The following INTS2 variants were observed in gnomAD, a reference collection of about 807,000 sequenced individuals.
INTS2 encodes the protein integrator complex subunit 2.
INTS2 carries 57 observed loss-of-function variants against 139.6 expected under a neutral mutation model. That is an observed-to-expected ratio of 0.41 (90% CI 0.33 to 0.51). The LOEUF (loss-of-function observed/expected upper bound fraction) is 0.51. Among genes scored for constraint, INTS2 ranks in the 20% least tolerant of loss-of-function variants. The probability of loss-of-function intolerance (pLI) is 0.28; values close to 1 mark genes in which losing one functional copy is unlikely to be tolerated. For synonymous variants in INTS2, 473 were observed against 493.4 expected (o/e 0.96, Z 0.55); for missense variants, 1,196 against 1,436.7 (o/e 0.83, Z 2.71).
intron 17 of INTS2, among the ~76,000 whole-genome samples, chr17:61,879,071 CTTTTTTTTTTTTTT>C (rs943506280): frequency 5.8e-5 from 2 of 34,416 alleles, no homozygotes; most frequent in Non-Finnish European, 9.7e-5. Flanking sequence ...CCAGGCTGGT[CTTTTTTTTTTTTTT>C]TTTTTTTTTT....
intron 15 of INTS2, among the ~76,000 whole-genome samples, chr17:61,887,411 A>G (rs950525421): frequency 7.0e-6 from 1 of 142,970 alleles, no homozygotes; most frequent in Non-Finnish European, 1.5e-5. Context: ...GGAACCCGGG[A>G]GGTGGAGGTT....
At chr17:61,923,069 T>C (rs988559251) in intron 3 of INTS2, among the ~76,000 whole-genome samples, 1 of 151,786 alleles carries the variant, frequency 6.6e-6, no homozygotes, top group Non-Finnish European at 1.5e-5. Context: ...AGAGCGAAAC[T>C]CTGTCTCAAA....
chr17:61,895,456 A>G, intron 11 of INTS2, 73 bp from the exon 12 acceptor site: 2 of 858,588 alleles, frequency 2.3e-6, no homozygotes, highest in African/African-American at 1.8e-5. Flanking sequence ...GAACTTATCT[A>G]AAATGGCTAT....
chr17:61,914,952 C>T (rs1367373381), intron 5 of INTS2, among the ~76,000 whole-genome samples: 1 of 151,764 alleles, frequency 6.6e-6, no homozygotes, highest in Admixed American at 6.6e-5. Flanking sequence ...GTCTGTAATC[C>T]CAGCACTTTG....
intron 5 of INTS2, among the ~76,000 whole-genome samples, chr17:61,919,120 T>C (rs1309795161): frequency 6.6e-6 from 1 of 152,060 alleles, no homozygotes; most frequent in Non-Finnish European, 1.5e-5. Flanking sequence ...AGATGGGGTT[T>C]CACCATAGTG....
At chr17:61,923,401 C>CAGGAGGCGGAGCTTGCA (rs1555626914) in intron 3 of INTS2, among the ~76,000 whole-genome samples, 2 of 137,960 alleles carry the variant, frequency 1.4e-5, no homozygotes, top group African/African-American at 5.4e-5. Flanking sequence ...GGTGTGAACC[C>CAGGAGGCGGAGCTTGCA]GGGAGGCGGA....
chr17:61,878,878 T>C (rs1413940110), intron 17 of INTS2, among the ~76,000 whole-genome samples: 1 of 134,858 alleles, frequency 7.4e-6, no homozygotes, highest in East Asian at 2.1e-4. Flanking sequence ...TGCAGTGAGC[T>C]GTGTTCCTGC....
At chr17:61,886,341 C>A (rs997386702) in intron 15 of INTS2, among the ~76,000 whole-genome samples, 4 of 152,214 alleles carry the variant, frequency 2.6e-5, no homozygotes, top group African/African-American at 9.6e-5. Context: ...CATATCTGGC[C>A]TCTTTTTAAA....
At chr17:61,888,464 T>C (rs2145923044) in intron 15 of INTS2, among the ~76,000 whole-genome samples, 1 of 152,294 alleles carries the variant, frequency 6.6e-6, no homozygotes, top group East Asian at 1.9e-4. Context: ...CACTTTATAA[T>C]GATATCATGC....
In INTS2 at chr17:61,893,782, G is replaced by T; in HGVS notation, c.1681C>A (p.His561Asn). 1 of 1,587,744 alleles carries T rather than the reference G, an allele frequency of 6.3e-7. No homozygotes were observed. The highest frequency in any genetic ancestry group is 8.6e-7 in the Non-Finnish European group (1 of 1,165,544). Residue 561 changes from histidine to asparagine, a missense_variant, in exon 13 of 25, where the codon CAC (histidine) becomes AAC (asparagine). By Grantham distance (68) the His-to-Asn change is moderately conservative (BLOSUM62 1). Transcript: ENST00000251334. The surrounding 1 kb of genome is among the most constrained non-coding windows in gnomAD (Gnocchi z 5.4). Reference protein sequence around the residue: ...QLLRSRSFTKHKVSIKDWIYR... With the variant: ...QLLRSRSFTKNKVSIKDWIYR... ...GGGCATACTTTTATTGACACTTTGT[G>T]CTTGGTAAAGGAACGGCTCCTGAGA...
At chr17:61,922,454 T>C (rs1393922631) in intron 3 of INTS2, among the ~76,000 whole-genome samples, 10 of 104,510 alleles carry the variant, frequency 9.6e-5, no homozygotes, top group Non-Finnish European at 1.8e-4. Context: ...GGAGACAGAA[T>C]GAGACTCCGT....
chr17:61,911,149 A>C (rs931403284), intron 7 of INTS2: 8 of 262,830 alleles, frequency 3.0e-5, no homozygotes, highest in Non-Finnish European at 5.0e-5. Context: ...GTCGCTATTC[A>C]CAGGCACAAT....
intron 3 of INTS2, 78 bp from the exon 4 acceptor site, chr17:61,921,905 A>G (rs2079645623): frequency 5.3e-6 from 4 of 755,102 alleles, no homozygotes; most frequent in Middle Eastern, 3.3e-4. Context: ...TTATTTCTTG[A>G]GCTCACAGAT....
chr17:61,890,624 A>AT (rs1463218216), intron 14 of INTS2, among the ~76,000 whole-genome samples: 1 of 151,280 alleles, frequency 6.6e-6, no homozygotes, highest in Non-Finnish European at 1.5e-5. Flanking sequence ...AAAAAAAAAA[A>AT]AATCCCCCTA....
chr17:61,870,182 C>A lies in INTS2; in HGVS notation c.2779-194G>T, dbSNP rs2079077830. Among the ~76,000 whole-genome samples the A allele has an allele frequency of 6.6e-6, 1 of 152,078 alleles. No homozygotes were observed. The highest frequency in any genetic ancestry group is 6.6e-5 in the Admixed American group (1 of 15,262). ...TCTCACCTTTTTAGGATTATGAACC[C>A]CTTAAGAATCTAAAGAAAACTATGT... is the stretch of plus-strand genomic sequence containing the variant. On this transcript the variant is annotated intron_variant, in intron 20 of 24. Transcript: ENST00000251334. The surrounding 1 kb of genome is among the most constrained non-coding windows in gnomAD (Gnocchi z 4.4).
rs189376523 is a variant in INTS2 at position 61,919,155 on chromosome 17, C to A, written c.649+245G>T. Among the ~76,000 whole-genome samples, 13 of 152,036 alleles carry A rather than the reference C, an allele frequency of 8.6e-5. No homozygotes were observed. In the East Asian group the frequency reaches 2.5e-3, roughly 29 times the overall value. ...GGCCAGGCTGGTCTCAAACTTCTGA[C>A]CTTGTGATCTGCCCGCCTCGGCCTC... On this transcript the variant is annotated intron_variant, in intron 5 of 24. Transcript: ENST00000251334.
At chr17:61,911,752 C>T (rs911041047) in intron 6 of INTS2, 59 bp from the exon 7 acceptor site, 6 of 1,528,662 alleles carry the variant, frequency 3.9e-6, no homozygotes, top group Non-Finnish European at 4.4e-6. Context: ...GCCAGTGATG[C>T]TTCCAAATCT....
intron 3 of INTS2, among the ~76,000 whole-genome samples, chr17:61,922,471 A>G: frequency 7.0e-6 from 1 of 143,622 alleles, no homozygotes; most frequent in South Asian, 2.1e-4. Flanking sequence ...CCGTCTCAAA[A>G]AAAAAAAAAA....
rs993759837 is a variant in INTS2, at chr17:61,897,347, T to C, written c.1494+122A>G. ...TCAAAATGCATTTTTCTAAGCGCTCTTGATAAAACTTCTATTAAACAATTA... is the reference window on the plus strand; with the variant it reads ...TCAAAATGCATTTTTCTAAGCGCTCCTGATAAAACTTCTATTAAACAATTA... On this transcript the variant is annotated intron_variant, in intron 11 of 24. Transcript: ENST00000251334. This position sits in a 1 kb window ranked among gnomAD's most constrained non-coding sequence, Gnocchi z 4.4. The C allele has an allele frequency of 1.7e-6, 1 of 604,356 alleles. No individual in the cohort carries two copies. Among genetic ancestry groups the C allele is most frequent in the Non-Finnish European group, 2.8e-6 (1 of 355,514 alleles). 37.4% of individuals were successfully genotyped at this position (604,356 alleles called of 1,614,324 possible).
Sources: gnomAD v4.1 joint callset for allele counts (sites outside exome capture counted in the v4.1 genomes callset) on GRCh38, gnomAD v4.1.1 for gene constraint, Gnocchi (gnomAD v3.1) non-coding constraint, MANE v1.5 for transcripts, NCBI Gene and HGNC (gene_info 2026-07-23, HGNC 2026-07-21) for gene names.